Variants in SLCO1C1 observed in about 807,000 individuals in gnomAD.
SLCO1C1 encodes solute carrier organic anion transporter family member 1C1, also known as OAT-RP-5.
SLCO1C1 carries 70 observed loss-of-function variants against 76.4 expected under a neutral mutation model. The ratio of observed to expected loss-of-function variants is 0.92; its 90% CI spans 0.76 to 1.12. The LOEUF is 1.12. SLCO1C1 is among the 50% of genes most tolerant of loss of function. SLCO1C1 has a pLI of 0.00. For missense variants in SLCO1C1, 912 were observed against 823.8 expected, an observed-to-expected ratio of 1.11 and a Z score of -1.31; for synonymous variants, 306 against 286.1, an observed-to-expected ratio of 1.07 and a Z score of -0.70.
chr12:20,736,297 C>G (rs1472536981), intron 10 of SLCO1C1, among the ~76,000 whole-genome samples: 1 of 146,532 alleles, frequency 6.8e-6, no homozygotes, highest in African/African-American at 2.4e-5. Context: ...AGAAAGAATG[C>G]AATCACAATT....
At chr12:20,738,847 G>C (rs1245271780) in intron 11 of SLCO1C1, among the ~76,000 whole-genome samples, 1 of 151,990 alleles carries the variant, frequency 6.6e-6, no homozygotes, top group Admixed American at 6.6e-5. Context: ...AGATACAAAG[G>C]ACTTGCTTAA....
At chr12:20,714,506 A>G (rs1288984737) in intron 5 of SLCO1C1, among the ~76,000 whole-genome samples, 4 of 152,172 alleles carry the variant, frequency 2.6e-5, no homozygotes, top group Non-Finnish European at 5.9e-5. Flanking sequence ...CTGTCAAATG[A>G]TTTCTTTTGT....
At chr12:20,733,162 TGGTGGAGTTGC>T in intron 10 of SLCO1C1, 58 bp downstream of exon 10, 1 of 1,431,324 alleles carries the variant, frequency 7.0e-7, no homozygotes, top group Non-Finnish European at 9.3e-7. Context: ...AATCAATTAT[TGGTGGAGTTGC>T]AAAAAAGGAA....
At chr12:20,711,844 G>T (rs1203389234) in intron 5 of SLCO1C1, among the ~76,000 whole-genome samples, 1 of 152,188 alleles carries the variant, frequency 6.6e-6, no homozygotes, top group Non-Finnish European at 1.5e-5. Flanking sequence ...TATGAAAGAA[G>T]TATAATTTTT....
chr12:20,725,767 G>A (rs772640116), intron 9 of SLCO1C1, among the ~76,000 whole-genome samples: 1 of 151,496 alleles, frequency 6.6e-6, no homozygotes, highest in African/African-American at 2.4e-5. Flanking sequence ...TATTAGAAAC[G>A]TAAGAGCATT....
chr12:20,736,148 A>G lies in SLCO1C1; in HGVS notation c.1383-959A>G, dbSNP rs1160427959. On this transcript the variant is annotated intron_variant, in intron 10 of 14. Transcript: ENST00000266509. ...TTTTGAGAAGAGTAGAGGAATATGA[A>G]TAGCAAAAAAAAGGATAAAAGCAGA... is the stretch of plus-strand genomic sequence containing the variant. Among the ~76,000 whole-genome samples the G allele has an allele frequency of 2.0e-5, 3 of 152,038 alleles. No homozygotes were observed. In the East Asian group the frequency reaches 5.8e-4, roughly 29 times the overall value.
At chr12:20,751,663 A>C (rs1374784598) in intron 14 of SLCO1C1, among the ~76,000 whole-genome samples, 3 of 152,128 alleles carry the variant, frequency 2.0e-5, no homozygotes, top group Non-Finnish European at 4.4e-5. Flanking sequence ...TATTAACTGT[A>C]ATGTAGAGAC....
chr12:20,719,878 C>T (rs1947571444), intron 7 of SLCO1C1, among the ~76,000 whole-genome samples: 1 of 152,166 alleles, frequency 6.6e-6, no homozygotes, highest in Non-Finnish European at 1.5e-5. Flanking sequence ...AGTGGCTATG[C>T]TAAACAACAG....
intron 13 of SLCO1C1, among the ~76,000 whole-genome samples, chr12:20,749,440 A>G (rs1226655473): frequency 6.6e-6 from 1 of 152,162 alleles, no homozygotes. Flanking sequence ...ACTGCCAGAC[A>G]ACATGGTTCT....
rs762285373 is a variant in SLCO1C1, at chr12:20,752,536, A to C, written c.*8A>C. On this transcript the variant is annotated 3_prime_UTR_variant, in exon 15 of 15. Coordinates refer to ENST00000266509, the MANE Select transcript of SLCO1C1 (RefSeq NM_017435.5). ...AAGGAAACTCAACTTTAGAAACATG[A>C]TGACTGGAAGTCATGTCTTCTAATT... 2 of 1,570,872 alleles carry C rather than the reference A, an allele frequency of 1.3e-6. No individual in the cohort carries two copies. The highest frequency in any genetic ancestry group is 2.4e-5 in the South Asian group (2 of 84,984).
At chr12:20,713,941 A>G (rs868088007) in intron 5 of SLCO1C1, among the ~76,000 whole-genome samples, 13 of 152,264 alleles carry the variant, frequency 8.5e-5, no homozygotes, top group Middle Eastern at 3.2e-3. Context: ...TTAAAATTAT[A>G]CAATTGCTAG....
chr12:20,750,921 G>A lies in SLCO1C1; in HGVS notation c.1916+129G>A, dbSNP rs151173483. 4.6e-5 allele frequency: 71 copies of A among 1,540,446 alleles called. No individual in the cohort carries two copies. The East Asian group carries it at 1.2e-3, about 27-fold the overall frequency. ...GTAAAGAATAGTCTAATCAAAAAGT[G>A]TGATCTGTAGTCATAGAATAATTAT... On this transcript the variant is annotated intron_variant, in intron 14 of 14. Transcript: ENST00000266509.
chr12:20,708,347 T>C (rs1592234137), intron 4 of SLCO1C1, among the ~76,000 whole-genome samples: 1 of 152,060 alleles, frequency 6.6e-6, no homozygotes. Context: ...TTCTAGGCAG[T>C]AAAGAAAGAG....
intron 7 of SLCO1C1, among the ~76,000 whole-genome samples, chr12:20,719,646 C>A (rs1160377038): frequency 6.6e-6 from 1 of 152,112 alleles, no homozygotes; most frequent in African/African-American, 2.4e-5. Flanking sequence ...TTTCCTTAAG[C>A]CAAAACCTAA....
chr12:20,745,082 T>C (rs944525883), intron 13 of SLCO1C1, among the ~76,000 whole-genome samples: 2 of 152,198 alleles, frequency 1.3e-5, no homozygotes, highest in Non-Finnish European at 2.9e-5. Context: ...TAAGGCATTT[T>C]GCTCTTTTTT....
At chr12:20,743,468 T>C in intron 13 of SLCO1C1, 99 bp downstream of exon 13, 2 of 883,760 alleles carry the variant, frequency 2.3e-6, no homozygotes, top group East Asian at 2.5e-5. Flanking sequence ...TAAATATATG[T>C]TGTAGGTGGC....
intron 10 of SLCO1C1, 149 bp from the exon 11 acceptor site, chr12:20,736,958 A>T: frequency 3.7e-6 from 2 of 541,002 alleles, no homozygotes. Flanking sequence ...TCATGACCAG[A>T]AGCTGCCATT....
At chr12:20,715,391 A>G in intron 6 of SLCO1C1, 106 bp downstream of exon 6, 1 of 1,252,752 alleles carries the variant, frequency 8.0e-7, no homozygotes, top group Non-Finnish European at 1.1e-6. Flanking sequence ...TATACTTCAT[A>G]TCCAACTCCT....
At chr12:20,722,736 T>C (rs547692505) in intron 8 of SLCO1C1, among the ~76,000 whole-genome samples, 1 of 152,356 alleles carries the variant, frequency 6.6e-6, no homozygotes, top group African/African-American at 2.4e-5. Flanking sequence ...AGTGAAGGTC[T>C]TTATGTCCTG....
Sources: allele counts gnomAD v4.1 joint callset (sites outside exome capture counted in the v4.1 genomes callset), GRCh38; gene constraint gnomAD v4.1.1; transcripts MANE v1.5; gene names NCBI Gene and HGNC (gene_info 2026-07-23, HGNC 2026-07-21).